The following ZFPM2 variants were observed in gnomAD, a reference collection of about 807,000 sequenced individuals.
The protein encoded by ZFPM2 is zinc finger protein, FOG family member 2.
Under a neutral mutation model 98.6 loss-of-function variants are expected in ZFPM2, and 20 were observed. The ratio of observed to expected loss-of-function variants is 0.20; its 90% CI spans 0.14 to 0.29. The LOEUF is 0.29. Among genes scored for constraint, ZFPM2 ranks in the 10% least tolerant of loss-of-function variants. The pLI, the probability that ZFPM2 is intolerant of heterozygous loss-of-function variation, is 1.00. For missense variants in ZFPM2, 1,310 were observed against 1,388.6 expected, an observed-to-expected ratio of 0.94 and a Z score of 0.90; for synonymous variants, 518 against 502.7, an observed-to-expected ratio of 1.03 and a Z score of -0.41.
chr8:105,459,696 TG>T (rs1812668058), intron 3 of ZFPM2, among the ~76,000 whole-genome samples: 1 of 152,170 alleles, frequency 6.6e-6, no homozygotes, highest in African/African-American at 2.4e-5. Flanking sequence ...GGACTCCTGG[TG>T]TGTGTTCCTC....
intron 5 of ZFPM2, among the ~76,000 whole-genome samples, chr8:105,778,102 C>T (rs1813148244): frequency 6.6e-6 from 1 of 152,170 alleles, no homozygotes; most frequent in Non-Finnish European, 1.5e-5. Flanking sequence ...AAGGGGCACC[C>T]ATAATTTATA....
At chr8:105,321,522 A>G (rs750379392) in intron 1 of ZFPM2, among the ~76,000 whole-genome samples, 13 of 152,204 alleles carry the variant, frequency 8.5e-5, no homozygotes, top group Non-Finnish European at 1.5e-4. Context: ...TGAAGCAACT[A>G]TGACAAGCAA....
At chr8:105,654,169 T>C (rs935585603) in intron 5 of ZFPM2, among the ~76,000 whole-genome samples, 26 of 151,916 alleles carry the variant, frequency 1.7e-4, no homozygotes, top group African/African-American at 5.8e-4. Flanking sequence ...CTCAGGAGGC[T>C]TGCCTCTGTC....
intron 1 of ZFPM2, among the ~76,000 whole-genome samples, chr8:105,373,160 T>A (rs897596091): frequency 6.6e-6 from 1 of 152,210 alleles, no homozygotes; most frequent in Admixed American, 6.5e-5. Flanking sequence ...TATTCCATCG[T>A]GATTGGCGTT....
chr8:105,584,077 G>A (rs901751374), intron 4 of ZFPM2, among the ~76,000 whole-genome samples: 3 of 151,826 alleles, frequency 2.0e-5, no homozygotes, highest in Non-Finnish European at 4.4e-5. Context: ...ATTTTTAAAG[G>A]CCTGAATTAT....
chr8:105,604,735 G>A (rs1488768428), intron 4 of ZFPM2, among the ~76,000 whole-genome samples: 1 of 152,026 alleles, frequency 6.6e-6, no homozygotes, highest in Non-Finnish European at 1.5e-5. Flanking sequence ...ATGCTCAGAT[G>A]TTCTCTCTGA....
At chr8:105,464,405 G>A (rs1419044496) in intron 3 of ZFPM2, among the ~76,000 whole-genome samples, 1 of 151,946 alleles carries the variant, frequency 6.6e-6, no homozygotes, top group Non-Finnish European at 1.5e-5. Flanking sequence ...AATGAATGGT[G>A]GATGATACTG....
chr8:105,788,029 C>G (rs1164389221), intron 5 of ZFPM2, among the ~76,000 whole-genome samples: 1 of 152,028 alleles, frequency 6.6e-6, no homozygotes, highest in Non-Finnish European at 1.5e-5. Context: ...TTTAAATGAG[C>G]CTTTTTGAAA....
intron 1 of ZFPM2, among the ~76,000 whole-genome samples, chr8:105,381,037 A>C (rs1200695623): frequency 7.0e-6 from 1 of 142,882 alleles, no homozygotes; most frequent in Admixed American, 7.9e-5. Context: ...TCAACCCATC[A>C]TCTACATTAG....
chr8:105,698,587 T>C (rs1317788963), intron 5 of ZFPM2, among the ~76,000 whole-genome samples: 1 of 152,228 alleles, frequency 6.6e-6, no homozygotes, highest in Non-Finnish European at 1.5e-5. Context: ...ATTTTTATTT[T>C]AGTAGAAATA....
intron 2 of ZFPM2, among the ~76,000 whole-genome samples, chr8:105,441,079 C>T (rs1378730470): frequency 6.6e-6 from 1 of 151,954 alleles, no homozygotes; most frequent in Non-Finnish European, 1.5e-5. Flanking sequence ...CACTTGAACC[C>T]GGGAGGCAGA....
intron 3 of ZFPM2, among the ~76,000 whole-genome samples, chr8:105,518,716 C>T (rs915644964): frequency 1.2e-4 from 18 of 152,104 alleles, no homozygotes; most frequent in African/African-American, 4.3e-4. Context: ...AGAGTGCATA[C>T]CTTTGAAAAA....
intron 3 of ZFPM2, among the ~76,000 whole-genome samples, chr8:105,489,327 G>A (rs1018686110): frequency 1.4e-5 from 2 of 147,178 alleles, no homozygotes; most frequent in Admixed American, 6.8e-5. Context: ...ACAAGAACAC[G>A]TTTCATGTAT....
chr8:105,739,754 A>T (rs1466889235), intron 5 of ZFPM2, among the ~76,000 whole-genome samples: 2 of 151,892 alleles, frequency 1.3e-5, no homozygotes, highest in Admixed American at 1.3e-4. Flanking sequence ...TTCTGGGAAG[A>T]TTCACTTTTA....
At position 105,803,319 on chromosome 8, in the gene ZFPM2, C is replaced by T. The variant is rs757703965; in HGVS notation, c.3237C>T (p.Ile1079=). ...HEDDHKSPSW[I]SENPLAANEN... The stretch of plus-strand genomic sequence containing the variant: ...ACGACCACAAATCTCCCTCGTGGAT[C>T]TCTGAGAACCCATTAGCTGCCAATG... Residue 1079 remains isoleucine (I), a synonymous_variant, in exon 8 of 8, where the codon ATC becomes ATT. Coordinates refer to ENST00000407775, the MANE Select transcript of ZFPM2 (RefSeq NM_012082.4). The T allele has an allele frequency of 1.9e-6, 3 of 1,598,590 alleles. No homozygotes were observed. The highest frequency in any genetic ancestry group is 1.3e-5 in the African/African-American group (1 of 74,372).
At chr8:105,695,378 A>ATTTT (rs1165726984) in intron 5 of ZFPM2, among the ~76,000 whole-genome samples, 3 of 74,842 alleles carry the variant, frequency 4.0e-5, no homozygotes, top group African/African-American at 5.5e-5. Flanking sequence ...AATGGTTTGT[A>ATTTT]TTTTTTTTTT....
intron 5 of ZFPM2, among the ~76,000 whole-genome samples, chr8:105,683,361 G>T (rs1810655016): frequency 6.6e-6 from 1 of 152,116 alleles, no homozygotes; most frequent in Non-Finnish European, 1.5e-5. Context: ...ACAGGAATTT[G>T]CTTTGCATTT....
At chr8:105,436,508 G>A (rs1324627056) in intron 2 of ZFPM2, among the ~76,000 whole-genome samples, 13 of 127,680 alleles carry the variant, frequency 1.0e-4, no homozygotes, top group African/African-American at 1.7e-4. Context: ...GCAAAACTCC[G>A]TCTCAAAAAA....
chr8:105,382,952 G>C (rs1810916427), intron 1 of ZFPM2, among the ~76,000 whole-genome samples: 1 of 152,010 alleles, frequency 6.6e-6, no homozygotes, highest in Admixed American at 6.6e-5. Flanking sequence ...CTAATATCTA[G>C]TTATGGAGAT....
Sources: gnomAD v4.1 joint callset for allele counts (sites outside exome capture counted in the v4.1 genomes callset) on GRCh38, gnomAD v4.1.1 for gene constraint, MANE v1.5 for transcripts, NCBI Gene and HGNC (gene_info 2026-07-23, HGNC 2026-07-21) for gene names.